VWA5B1: variants seen among roughly 807,000 people sequenced by gnomAD.
The protein encoded by VWA5B1 is von Willebrand factor A domain-containing protein 5B1.
A neutral mutation model predicts 118.2 loss-of-function variants in VWA5B1; 115 were observed. The observed-to-expected ratio is 0.97, with a 90% CI of 0.84 to 1.14. The LOEUF is 1.14. Among genes scored for constraint, VWA5B1 ranks in the 50% most tolerant of loss-of-function variants. The pLI is 0.00. For missense variants in VWA5B1, 1,596 were observed against 1,603.8 expected (o/e 1.00, Z 0.08); for synonymous variants, 682 against 658.4 (o/e 1.04, Z -0.55).
intron 7 of VWA5B1, among the ~76,000 whole-genome samples, chr1:20,322,824 C>T (rs1187109014): frequency 6.6e-6 from 1 of 152,128 alleles, no homozygotes; most frequent in Non-Finnish European, 1.5e-5. Flanking sequence ...TAATTAAGTC[C>T]ACCTGGAAAT....
At chr1:20,332,983 T>C (rs1279038682) in intron 12 of VWA5B1, 32 bp downstream of exon 12, 1 of 1,549,272 alleles carries the variant, frequency 6.5e-7, no homozygotes, top group Admixed American at 2.0e-5. Flanking sequence ...CGGGTCCGTG[T>C]GGGCCCAGAA....
At chr1:20,309,563 G>T (rs924455569) in intron 1 of VWA5B1, among the ~76,000 whole-genome samples, 5 of 152,238 alleles carry the variant, frequency 3.3e-5, no homozygotes, top group Non-Finnish European at 5.9e-5. Flanking sequence ...GGGGACCGTG[G>T]TGATGCTGGG....
intron 9 of VWA5B1, among the ~76,000 whole-genome samples, chr1:20,329,266 TTTTTTTCTTTTTTC>T (rs1570152237): frequency 6.6e-6 from 1 of 151,246 alleles, no homozygotes; most frequent in African/African-American, 2.4e-5. Flanking sequence ...TTACTGCTTT[TTTTTTTCTTTTTTC>T]TTTTCCCTTT....
At chr1:20,353,272 C>A (rs1318486755) in intron 21 of VWA5B1, among the ~76,000 whole-genome samples, 1 of 152,122 alleles carries the variant, frequency 6.6e-6, no homozygotes, top group Non-Finnish European at 1.5e-5. Flanking sequence ...TGAACTGAGC[C>A]TCCAAAAAGT....
In VWA5B1 at chr1:20,355,477, A is replaced by T. The variant is rs2090212664; in HGVS notation, c.*1214A>T. 2.0e-5 allele frequency among the ~76,000 whole-genome samples: 3 copies of T among 152,174 alleles called. No homozygotes were observed. The South Asian group carries it at 6.2e-4, about 32-fold the overall frequency. ...GAGGTGGGTCTAGACCTCACCAAGG[A>T]ACCCCACCAGCTTGGGACTTCAGGC... On this transcript the variant is annotated 3_prime_UTR_variant, in exon 22 of 22. Transcript: ENST00000289815.
chr1:20,317,821 C>A, intron 5 of VWA5B1, 146 bp downstream of exon 5: 1 of 1,119,060 alleles, frequency 8.9e-7, no homozygotes, highest in Non-Finnish European at 1.2e-6. Context: ...CCCCCATTTC[C>A]CATGGCCCCA....
At chr1:20,301,089 G>C (rs1053543506) in intron 1 of VWA5B1, among the ~76,000 whole-genome samples, 5 of 152,256 alleles carry the variant, frequency 3.3e-5, no homozygotes, top group African/African-American at 1.2e-4. Context: ...GGACCTCAGA[G>C]AGAAGGGAAG....
In VWA5B1 at chr1:20,322,123, A is replaced by G. The variant is rs191721518; in HGVS notation, c.967-1233A>G. 2.0e-3 allele frequency among the ~76,000 whole-genome samples: 307 copies of G among 152,364 alleles called. 1 individual carries two copies. Among genetic ancestry groups the G allele is most frequent in the Non-Finnish European group, 1.2e-3 (83 of 68,034 alleles). ...AGAGATGTGGACGCGTTCTGGCTGC[A>G]TGTTAGCAGCAGGACTGGCAATGCT... On this transcript the variant is annotated intron_variant, in intron 7 of 21. Coordinates refer to ENST00000289815, the MANE Select transcript of VWA5B1 (RefSeq NM_001039500.3).
In VWA5B1 at chr1:20,343,401, C is replaced by A. The variant is rs1294180499; in HGVS notation, c.2626+8C>A. The A allele has an allele frequency of 6.6e-7, 1 of 1,511,988 alleles. No individual in the cohort carries two copies. Among genetic ancestry groups the A allele is most frequent in the Non-Finnish European group, 8.8e-7 (1 of 1,132,534 alleles). 93.7% of individuals were successfully genotyped at this position (1,511,988 alleles called of 1,614,324 possible). On this transcript the variant is annotated splice_region_variant and intron_variant, in intron 16 of 21. Coordinates refer to ENST00000289815, the MANE Select transcript of VWA5B1 (RefSeq NM_001039500.3). ...AGGGCGAGATCGAGCAGGGTGAGCG[C>A]CACGGAACTGCGCCCCTCCCGCGGA...
At position 20,290,961 on chromosome 1, in the gene VWA5B1, G is replaced by C. The variant is rs1358698757; in HGVS notation, c.-154G>C. ...GATCAAGCCAGCTGCCAGGGCAGCGGGCGCAGGGCTTGGGCACTGGAGCCC... is the reference window on the plus strand; with the variant it reads ...GATCAAGCCAGCTGCCAGGGCAGCGCGCGCAGGGCTTGGGCACTGGAGCCC... On this transcript the variant is annotated 5_prime_UTR_variant, in exon 1 of 22. Coordinates refer to ENST00000289815, the MANE Select transcript of VWA5B1 (RefSeq NM_001039500.3). The C allele has an allele frequency of 6.6e-6, 1 of 152,244 alleles. No individual in the cohort carries two copies. Among genetic ancestry groups the C allele is most frequent in the East Asian group, 1.9e-4 (1 of 5,180 alleles). 9.4% of individuals were successfully genotyped at this position (152,244 alleles called of 1,614,324 possible). A position where few individuals can be genotyped will look rare whatever the true frequency, so the allele number is the denominator to read the frequency against.
chr1:20,345,627 G>A (rs1344196895), intron 17 of VWA5B1, 34 bp downstream of exon 17: 1 of 1,513,824 alleles, frequency 6.6e-7, no homozygotes, highest in Admixed American at 2.1e-5. Flanking sequence ...GCACTCCTGG[G>A]GGCCAAGCAG....
At chr1:20,318,823 C>A in intron 6 of VWA5B1, 102 bp downstream of exon 6, 2 of 1,402,356 alleles carry the variant, frequency 1.4e-6, no homozygotes, top group East Asian at 2.7e-5. Flanking sequence ...AGCTAGCTAG[C>A]CAGGGAAAGA....
In VWA5B1 at chr1:20,354,511, G is replaced by C. The variant is rs2281001; in HGVS notation, c.*248G>C. On this transcript the variant is annotated 3_prime_UTR_variant, in exon 22 of 22. Transcript: ENST00000289815. ...CCTCATCTATAAAATAAGAGGGCGA[G>C]ATGAAGGAGGTGGAGTGGATCTCAA... is the stretch of plus-strand genomic sequence containing the variant. 0.18 allele frequency: 97,101 copies of C among 535,316 alleles called. 9,541 individuals carry two copies. Among genetic ancestry groups the C allele is most frequent in the East Asian group, 0.33 (9,862 of 29,606 alleles). 33.2% of individuals were successfully genotyped at this position (535,316 alleles called of 1,614,324 possible). A position where few individuals can be genotyped will look rare whatever the true frequency, so the allele number is the denominator to read the frequency against.
At chr1:20,330,473 G>T in intron 10 of VWA5B1, 91 bp downstream of exon 10, 1 of 1,419,254 alleles carries the variant, frequency 7.0e-7, no homozygotes, top group East Asian at 2.5e-5. Flanking sequence ...AATGCCAGAG[G>T]GAGAGGATAG....
chr1:20,353,161 C>A (rs2090162749), intron 21 of VWA5B1, among the ~76,000 whole-genome samples: 1 of 152,164 alleles, frequency 6.6e-6, no homozygotes, highest in African/African-American at 2.4e-5. Context: ...CAGAGCTTGG[C>A]AGCTGGGGAA....
intron 21 of VWA5B1, 147 bp downstream of exon 21, chr1:20,352,319 C>A: frequency 1.6e-6 from 1 of 636,662 alleles, no homozygotes; most frequent in East Asian, 3.0e-5. Context: ...TTGAGGTTTC[C>A]TAGAGCTTCC....
intron 1 of VWA5B1, among the ~76,000 whole-genome samples, chr1:20,305,241 C>G (rs2100816943): frequency 1.3e-5 from 2 of 152,190 alleles, no homozygotes; most frequent in South Asian, 4.1e-4. Flanking sequence ...GGACCCATCA[C>G]AGATGGTATG....
chr1:20,319,439 A>T lies in VWA5B1; in HGVS notation c.899A>T (p.Asp300Val). The stretch of plus-strand genomic sequence containing the variant: ...GGGGACATGACCCTGGGAGAGTTTG[A>T]CCAGCACTTGAAGGGAAGAACAGAT... ...EKGDMTLGEF[D>V]QHLKGRTDFI... Residue 300 changes from aspartate to valine, a missense_variant, in exon 7 of 22, where the codon GAC (aspartate) becomes GTC (valine). Transcript: ENST00000289815. The T allele has an allele frequency of 6.4e-7, 1 of 1,551,768 alleles. No individual in the cohort carries two copies. Among genetic ancestry groups the T allele is most frequent in the African/African-American group, 1.4e-5 (1 of 73,176 alleles).
chr1:20,338,124 G>A (rs2089775521), intron 14 of VWA5B1: 1 of 559,550 alleles, frequency 1.8e-6, no homozygotes, highest in Non-Finnish European at 3.4e-6. Flanking sequence ...ACCTGGGGGA[G>A]GAGAGAGTTT....
Sources: gnomAD v4.1 joint callset for allele counts (sites outside exome capture counted in the v4.1 genomes callset) on GRCh38, gnomAD v4.1.1 for gene constraint, MANE v1.5 for transcripts, NCBI Gene and HGNC (gene_info 2026-07-23, HGNC 2026-07-21) for gene names.